Variants in CTNNA2 observed in about 807,000 individuals in gnomAD.
CTNNA2 encodes catenin alpha 2, also known as catenin alpha-2.
Under a neutral mutation model 101.0 loss-of-function variants are expected in CTNNA2, and 42 were observed. The observed-to-expected ratio is 0.42, with a 90% confidence interval of 0.32 to 0.54. The LOEUF (loss-of-function observed/expected upper bound fraction) is 0.54, where lower values mean the gene tolerates loss of function less well. Among genes scored for constraint, CTNNA2 ranks in the 20% least tolerant of loss-of-function variants. CTNNA2 has a pLI of 0.14. For synonymous variants in CTNNA2, 450 were observed against 456.4 expected (o/e 0.99, Z 0.18); for missense variants, 871 against 1,223.1 (o/e 0.71, Z 4.29).
chr2:79,633,267 A>G (rs1298181002), intron 1 of CTNNA2, among the ~76,000 whole-genome samples: 1 of 152,120 alleles, frequency 6.6e-6, no homozygotes, highest in African/African-American at 2.4e-5. Context: ...ATCTCCCCTC[A>G]TAGTCACAGA....
At chr2:80,205,719 C>G (rs1303277260) in intron 7 of CTNNA2, among the ~76,000 whole-genome samples, 2 of 152,086 alleles carry the variant, frequency 1.3e-5, no homozygotes, top group Non-Finnish European at 2.9e-5. Flanking sequence ...ATTGCTAAAC[C>G]TTCTCTATTG....
intron 7 of CTNNA2, among the ~76,000 whole-genome samples, chr2:80,316,763 CAGTT>C (rs545838816): frequency 1.0e-3 from 157 of 152,276 alleles, no homozygotes; most frequent in African/African-American, 3.6e-3. Context: ...TCTTGTCAAT[CAGTT>C]AGCCAGCCAA....
At chr2:79,654,351 G>A (rs760421051) in intron 2 of CTNNA2, among the ~76,000 whole-genome samples, 1 of 152,124 alleles carries the variant, frequency 6.6e-6, no homozygotes, top group Non-Finnish European at 1.5e-5. Context: ...TAGTCCTGGG[G>A]GTGAAAAGTT....
chr2:79,404,394 C>T (rs1323100640), intron 4 of CTNNA2, among the ~76,000 whole-genome samples: 7 of 151,998 alleles, frequency 4.6e-5, no homozygotes, highest in African/African-American at 1.7e-4. Context: ...CTCTAGCAGC[C>T]TTGTACTTGG....
chr2:80,158,850 G>A (rs1336738707), intron 7 of CTNNA2, among the ~76,000 whole-genome samples: 5 of 151,736 alleles, frequency 3.3e-5, no homozygotes, highest in Admixed American at 2.0e-4. Flanking sequence ...GGCAGAGCTT[G>A]CAGTGAGCCG....
At chr2:80,098,794 A>T (rs186842306) in intron 7 of CTNNA2, among the ~76,000 whole-genome samples, 139 of 152,074 alleles carry the variant, frequency 9.1e-4, no homozygotes, top group South Asian at 1.9e-3. Context: ...TGGGCATAGG[A>T]CCCTCTGAGC....
rs981118192 is a variant in CTNNA2 at position 80,065,354 on chromosome 2, C to A, written c.1056+155557C>A. Among the ~76,000 whole-genome samples, 3 of 134,650 alleles carry A rather than the reference C, an allele frequency of 2.2e-5. No individual in the cohort carries two copies. The South Asian group carries it at 8.2e-4, about 37-fold the overall frequency. 88.3% of individuals were successfully genotyped at this position (134,650 alleles called of 152,430 possible). A position where few individuals can be genotyped will look rare whatever the true frequency, so the allele number is the denominator to read the frequency against. ...CTGTTTAGGTTCCATTCTTGGACTTCTCCATTCTATTTTTTTTTTTTTTGA... is the reference window on the plus strand; with the variant it reads ...CTGTTTAGGTTCCATTCTTGGACTTATCCATTCTATTTTTTTTTTTTTTGA... On this transcript the variant is annotated intron_variant, in intron 7 of 18. Coordinates refer to ENST00000402739, the MANE Select transcript of CTNNA2 (RefSeq NM_001282597.3).
intron 2 of CTNNA2, among the ~76,000 whole-genome samples, chr2:79,711,586 A>G (rs1387290990): frequency 6.6e-6 from 1 of 152,114 alleles, no homozygotes; most frequent in Non-Finnish European, 1.5e-5. Context: ...TTTTGTTGCA[A>G]ATAAGAATTG....
At chr2:80,197,830 G>C (rs562946330) in intron 7 of CTNNA2, among the ~76,000 whole-genome samples, 1 of 152,264 alleles carries the variant, frequency 6.6e-6, no homozygotes, top group East Asian at 1.9e-4. Context: ...TTGTAGCCTA[G>C]AGATGTTTGT....
intron 3 of CTNNA2, among the ~76,000 whole-genome samples, chr2:79,778,705 T>C (rs1469429589): frequency 1.3e-5 from 2 of 152,242 alleles, no homozygotes; most frequent in African/African-American, 2.4e-5. Context: ...ATATATGGAA[T>C]TAGATTACAT....
chr2:79,968,236 A>G (rs998218467), intron 7 of CTNNA2, among the ~76,000 whole-genome samples: 14 of 152,232 alleles, frequency 9.2e-5, no homozygotes, highest in Middle Eastern at 3.4e-3. Flanking sequence ...GAGCTCATTT[A>G]TATCACACCC....
In CTNNA2 at chr2:79,457,532, C is replaced by T. The variant is rs1051604557; in HGVS notation, c.-134-47522C>T. Reference sequence around the variant, plus strand: ...GTTAATTCCATTTTATTATGTTGAACTTTATGAGCATTTGAACCACATATC... The same window carrying T: ...GTTAATTCCATTTTATTATGTTGAATTTTATGAGCATTTGAACCACATATC... On this transcript the variant is annotated intron_variant, in intron 4 of 21. Coordinates refer to the CTNNA2 transcript ENST00000466387. Among the ~76,000 whole-genome samples, 7 of 152,058 alleles carry T rather than the reference C, an allele frequency of 4.6e-5. No individual in the cohort carries two copies. In the South Asian group the frequency reaches 1.2e-3, roughly 27 times the overall value.
At chr2:79,730,759 G>A (rs977267850) in intron 2 of CTNNA2, among the ~76,000 whole-genome samples, 3 of 151,852 alleles carry the variant, frequency 2.0e-5, no homozygotes, top group African/African-American at 7.2e-5. Context: ...TGAAACTCAA[G>A]GTAGAGTGTA....
intron 7 of CTNNA2, among the ~76,000 whole-genome samples, chr2:80,204,113 AT>A (rs1188299738): frequency 6.6e-6 from 1 of 151,958 alleles, no homozygotes; most frequent in African/African-American, 2.4e-5. Context: ...CCACAAAATC[AT>A]TTTTTCCTCC....
Position 80,302,574 on chromosome 2 carries a change from C to T in CTNNA2, c.1057-90637C>T, listed in dbSNP as rs780322941. The T allele has an allele frequency of 1.9e-6, 3 of 1,607,776 alleles. No individual in the cohort carries two copies. Among genetic ancestry groups the T allele is most frequent in the Non-Finnish European group, 2.5e-6 (3 of 1,179,254 alleles). ...TGCACGGCGTTCTCGGCGTGCTCGC[C>T]GCCTGGAAGAGCCACGGTGGCAGGC... On this transcript the variant is annotated intron_variant, in intron 7 of 18. Coordinates refer to ENST00000402739, the MANE Select transcript of CTNNA2 (RefSeq NM_001282597.3). The surrounding 1 kb of genome is among the most constrained non-coding windows in gnomAD (Gnocchi z 6.4).
Position 79,877,978 on chromosome 2 carries a change from C to T in CTNNA2, c.852+3636C>T, listed in dbSNP as rs118102837. 3.8e-3 allele frequency among the ~76,000 whole-genome samples: 581 copies of T among 152,196 alleles called. 10 individuals are homozygous for T. The East Asian group carries it at 0.043, about 11-fold the overall frequency. Reference sequence around the variant, plus strand: ...AAGTTCCCTTCCCTTGCCCCCACCCCGCAACAGTCCCTGGTGTGTGTTGTT... The same window carrying T: ...AAGTTCCCTTCCCTTGCCCCCACCCTGCAACAGTCCCTGGTGTGTGTTGTT... On this transcript the variant is annotated intron_variant, in intron 6 of 18. Transcript: ENST00000402739.
chr2:79,497,862 C>T (rs899244751), intron 4 of CTNNA2, among the ~76,000 whole-genome samples: 5 of 152,140 alleles, frequency 3.3e-5, no homozygotes, highest in Admixed American at 2.6e-4. Flanking sequence ...TTTGAATACA[C>T]GTAACAGAAA....
At chr2:79,541,375 AATAC>A (rs1269988323) in intron 1 of CTNNA2, among the ~76,000 whole-genome samples, 7 of 149,210 alleles carry the variant, frequency 4.7e-5, no homozygotes, top group African/African-American at 1.2e-4. Context: ...CATATGTATA[AATAC>A]ATACATATAC....
At chr2:79,751,183 A>C in intron 3 of CTNNA2, among the ~76,000 whole-genome samples, 1 of 152,190 alleles carries the variant, frequency 6.6e-6, no homozygotes, top group Admixed American at 6.5e-5. Context: ...GATTGGTGGG[A>C]TAAGAATTTC....
Sources: gnomAD v4.1 joint callset for allele counts (sites outside exome capture counted in the v4.1 genomes callset) on GRCh38, gnomAD v4.1.1 for gene constraint, Gnocchi (gnomAD v3.1) non-coding constraint, MANE v1.5 for transcripts, NCBI Gene and HGNC (gene_info 2026-07-23, HGNC 2026-07-21) for gene names.